COLEC10: variants seen among roughly 807,000 people sequenced by gnomAD.
The protein encoded by COLEC10 is collectin subfamily member 10.
Under a neutral mutation model 28.4 loss-of-function variants are expected in COLEC10, and 22 were observed. That is an observed-to-expected ratio of 0.78 (90% CI 0.55 to 1.11). The LOEUF (loss-of-function observed/expected upper bound fraction) is 1.11, where lower values mean the gene tolerates loss of function less well. COLEC10 is among the 50% of genes least tolerant of loss of function. COLEC10 has a pLI of 0.00. For missense variants in COLEC10, 361 were observed against 344.1 expected (o/e 1.05, Z -0.39); for synonymous variants, 125 against 116.1 (o/e 1.08, Z -0.49).
intron 1 of COLEC10, among the ~76,000 whole-genome samples, chr8:119,077,145 A>T (rs1469865747): frequency 6.6e-6 from 1 of 151,940 alleles, no homozygotes; most frequent in Non-Finnish European, 1.5e-5. Flanking sequence ...AAGGCAAGGG[A>T]TATGACCTGC....
chr8:118,961,410 C>T, the COLEC10 span, among the ~76,000 whole-genome samples: 1 of 152,192 alleles, frequency 6.6e-6, no homozygotes, highest in African/African-American at 2.4e-5. Flanking sequence ...AGAACTCTTT[C>T]TTTCCTATTC....
At chr8:119,007,214 T>C (rs143629530) in intron 1 of COLEC10, among the ~76,000 whole-genome samples, 1,914 of 152,240 alleles carry the variant, frequency 0.013, 18 homozygotes, top group Non-Finnish European at 0.017. Flanking sequence ...TACTTTGATA[T>C]AGCCTGGCAT....
intron 1 of COLEC10, among the ~76,000 whole-genome samples, chr8:118,996,581 T>C (rs924826851): frequency 2.0e-5 from 3 of 152,184 alleles, no homozygotes; most frequent in Admixed American, 6.5e-5. Context: ...CTCATTGTGG[T>C]TCCGGTTTAC....
chr8:119,095,616 T>A (rs886766746), intron 3 of COLEC10, among the ~76,000 whole-genome samples: 1 of 152,038 alleles, frequency 6.6e-6, no homozygotes, highest in Non-Finnish European at 1.5e-5. Flanking sequence ...GTGGGAGAAT[T>A]GCTTGAGCCT....
intron 1 of COLEC10, among the ~76,000 whole-genome samples, chr8:119,089,320 C>G (rs183738783): frequency 6.6e-6 from 1 of 151,714 alleles, no homozygotes; most frequent in African/African-American, 2.4e-5. Context: ...GTTATGTGTG[C>G]CTCTGTGTGT....
the COLEC10 span, among the ~76,000 whole-genome samples, chr8:118,962,805 A>G: frequency 6.6e-6 from 1 of 152,224 alleles, no homozygotes; most frequent in Non-Finnish European, 1.5e-5. Context: ...ACACTATTGT[A>G]TTCTCTGCTT....
At chr8:118,964,187 T>G in the COLEC10 span, among the ~76,000 whole-genome samples, 3 of 152,212 alleles carry the variant, frequency 2.0e-5, no homozygotes, top group African/African-American at 7.2e-5. Flanking sequence ...CTGGCACACC[T>G]AATAGCCAAT....
At chr8:119,087,678 C>T (rs952845557) in intron 1 of COLEC10, among the ~76,000 whole-genome samples, 2 of 152,026 alleles carry the variant, frequency 1.3e-5, no homozygotes, top group African/African-American at 4.8e-5. Flanking sequence ...TCTGCAACCC[C>T]CCTTTTTGCC....
At chr8:119,073,953 TATATACAC>T (rs61282009) in intron 1 of COLEC10, among the ~76,000 whole-genome samples, 43,219 of 120,516 alleles carry the variant, frequency 0.36, 8,381 homozygotes, top group African/African-American at 0.63. Context: ...TATATACACA[TATATACAC>T]ATATACACAT....
At chr8:119,091,470 G>A (rs557792911) in intron 3 of COLEC10, among the ~76,000 whole-genome samples, 54 of 151,460 alleles carry the variant, frequency 3.6e-4, no homozygotes, top group Non-Finnish European at 6.6e-4. Context: ...TAGGAGGATC[G>A]TTTGAGCCCA....
In COLEC10 at chr8:119,084,233, T is replaced by C. The variant is rs550594095; in HGVS notation, c.149-5447T>C. ...ATTATAGATAAGAAAATGGGAGCAC[T>C]GAGAGTTTAAATATCATAGCTAAGT... On this transcript the variant is annotated intron_variant, in intron 1 of 5. Coordinates refer to ENST00000332843, the MANE Select transcript of COLEC10 (RefSeq NM_006438.5). Among the ~76,000 whole-genome samples, 13 of 152,268 alleles carry C rather than the reference T, an allele frequency of 8.5e-5. No homozygotes were observed. In the East Asian group the frequency reaches 2.5e-3, roughly 29 times the overall value.
At chr8:119,001,924 A>G (rs1813709449) in intron 1 of COLEC10, among the ~76,000 whole-genome samples, 1 of 152,220 alleles carries the variant, frequency 6.6e-6, no homozygotes, top group Non-Finnish European at 1.5e-5. Flanking sequence ...GAGCTTTGGC[A>G]ATCAAAAATC....
At chr8:118,981,966 C>G in the COLEC10 span, among the ~76,000 whole-genome samples, 1 of 151,402 alleles carries the variant, frequency 6.6e-6, no homozygotes, top group African/African-American at 2.4e-5. Flanking sequence ...CATCTATTCT[C>G]CGTATGACTC....
intron 2 of COLEC10, among the ~76,000 whole-genome samples, chr8:119,052,589 A>G (rs1013029486): frequency 3.3e-5 from 5 of 152,092 alleles, no homozygotes; most frequent in Non-Finnish European, 2.9e-5. Context: ...CCATGTCTCC[A>G]TTGACTCACA....
At chr8:119,093,618 A>G (rs771107319) in intron 3 of COLEC10, among the ~76,000 whole-genome samples, 1 of 152,216 alleles carries the variant, frequency 6.6e-6, no homozygotes, top group African/African-American at 2.4e-5. Flanking sequence ...AAAGTAAGAC[A>G]GATTCACCTC....
In COLEC10 at chr8:119,067,259, C is replaced by T. The variant is rs768806663; in HGVS notation, c.-23C>T. ...CTGTTTATTTGGCATTTCTGGGAGA[C>T]CCTTTTCTGAGGAACCACAGCAATG... On this transcript the variant is annotated 5_prime_UTR_variant, in exon 1 of 6. Coordinates refer to ENST00000332843, the MANE Select transcript of COLEC10 (RefSeq NM_006438.5). 5 of 1,611,434 alleles carry T rather than the reference C, an allele frequency of 3.1e-6. No individual in the cohort carries two copies. The highest frequency in any genetic ancestry group is 1.7e-5 in the Admixed American group (1 of 59,762).
chr8:118,989,869 A>C, the COLEC10 span, among the ~76,000 whole-genome samples: 1 of 152,102 alleles, frequency 6.6e-6, no homozygotes, highest in Non-Finnish European at 1.5e-5. Flanking sequence ...TTTTATTATC[A>C]TGCTTACCAG....
In COLEC10 at chr8:119,039,315, G is replaced by A. The variant is rs553758781; in HGVS notation, n.235+29762G>A. 1.4e-3 allele frequency among the ~76,000 whole-genome samples: 219 copies of A among 152,178 alleles called. 1 individual carries two copies. The highest frequency in any genetic ancestry group is 2.7e-3 in the Non-Finnish European group (187 of 68,006). ...CTCCTCCAGAAACCGTTCCCAGTCC[G>A]TCCTGTTCACTCAGCCTGCTAGGTG... On this transcript the variant is annotated intron_variant and non_coding_transcript_variant, in intron 2 of 6. Transcript: ENST00000521788.
At chr8:119,099,333 A>G (rs1339791433) in intron 3 of COLEC10, among the ~76,000 whole-genome samples, 1 of 152,100 alleles carries the variant, frequency 6.6e-6, no homozygotes, top group Admixed American at 6.6e-5. Flanking sequence ...ACTCAGATTC[A>G]GGAAACAGAA....
Sources: allele counts gnomAD v4.1 joint callset (sites outside exome capture counted in the v4.1 genomes callset), GRCh38; gene constraint gnomAD v4.1.1; transcripts MANE v1.5; gene names NCBI Gene and HGNC (gene_info 2026-07-23, HGNC 2026-07-21).